Variants in ZFP82 observed in about 807,000 individuals in gnomAD.
ZFP82 encodes the protein zinc finger protein 82 homolog.
A neutral mutation model predicts 54.0 loss-of-function variants in ZFP82; 30 were observed. That is an observed-to-expected ratio of 0.56 (90% CI 0.42 to 0.75). The LOEUF (loss-of-function observed/expected upper bound fraction) is 0.75. Among genes scored for constraint, ZFP82 ranks in the 30% least tolerant of loss-of-function variants. The probability of loss-of-function intolerance (pLI) is 0.00; values close to 1 mark genes in which losing one functional copy is unlikely to be tolerated. For missense variants in ZFP82, 500 were observed against 636.8 expected (o/e 0.79, Z 2.31); for synonymous variants, 194 against 209.5 (o/e 0.93, Z 0.64).
intron 3 of ZFP82, among the ~76,000 whole-genome samples, chr19:36,407,372 G>A (rs1040159932): frequency 5.9e-5 from 9 of 152,070 alleles, no homozygotes; most frequent in Non-Finnish European, 4.4e-5. Flanking sequence ...CACCGCGCCC[G>A]GCCAGATTTT....
chr19:36,415,599 T>C (rs1600113149), intron 1 of ZFP82, among the ~76,000 whole-genome samples: 1 of 151,900 alleles, frequency 6.6e-6, no homozygotes, highest in South Asian at 2.1e-4. Context: ...ATTGGCCAGG[T>C]TGGTCTCAAA....
At position 36,388,897 on chromosome 19, in the gene ZFP82, T is replaced by C. The variant is rs977262566; in HGVS notation, c.*3844A>G. Among the ~76,000 whole-genome samples the C allele has an allele frequency of 1.3e-5, 2 of 152,234 alleles. No individual in the cohort carries two copies. The highest frequency in any genetic ancestry group is 1.3e-4 in the Admixed American group (2 of 15,278). On this transcript the variant is annotated 3_prime_UTR_variant, in exon 5 of 5. Coordinates refer to ENST00000392161, the MANE Select transcript of ZFP82 (RefSeq NM_133466.4). ...CAGAATGGTGAACAACACAAATACT[T>C]ATTTCTCAATCCAGATGTTCTAAAT...
intron 1 of ZFP82, among the ~76,000 whole-genome samples, chr19:36,412,100 G>GTA (rs2032592352): frequency 6.6e-6 from 1 of 151,908 alleles, no homozygotes; most frequent in South Asian, 2.1e-4. Flanking sequence ...GAGAGAGTGT[G>GTA]CGTGTGTATT....
intron 4 of ZFP82, among the ~76,000 whole-genome samples, chr19:36,399,900 A>G (rs908217421): frequency 6.6e-6 from 1 of 152,202 alleles, no homozygotes; most frequent in Non-Finnish European, 1.5e-5. Flanking sequence ...AATAAATAAA[A>G]CTGGAAATAA....
intron 2 of ZFP82, among the ~76,000 whole-genome samples, chr19:36,409,354 A>G (rs1336622835): frequency 1.3e-5 from 2 of 151,952 alleles, no homozygotes; most frequent in Admixed American, 6.6e-5. Context: ...TGGAGCCTCA[A>G]ACTCCTGGGC....
At chr19:36,396,976 C>T (rs2032305888) in intron 4 of ZFP82, among the ~76,000 whole-genome samples, 1 of 151,280 alleles carries the variant, frequency 6.6e-6, no homozygotes, top group Non-Finnish European at 1.5e-5. Context: ...CGTTAAAAGT[C>T]TCATTCAAAA....
In ZFP82 at chr19:36,391,390, C is replaced by T. The variant is rs1474307585; in HGVS notation, c.*1351G>A. The T allele has an allele frequency of 1.3e-5, 2 of 151,590 alleles. No homozygotes were observed. The highest frequency in any genetic ancestry group is 2.4e-5 in the African/African-American group (1 of 41,272). The allele number at this position is 151,590 out of a possible 1,614,324, so 9.4% of individuals were successfully genotyped here. Reference sequence around the variant, plus strand: ...AAAAAATTAATGGGGCTTCATAATACAGGTGACTTTTAATTTCCAAAGTTT... The same window carrying T: ...AAAAAATTAATGGGGCTTCATAATATAGGTGACTTTTAATTTCCAAAGTTT... On this transcript the variant is annotated 3_prime_UTR_variant, in exon 5 of 5. Transcript: ENST00000392161.
intron 1 of ZFP82, among the ~76,000 whole-genome samples, chr19:36,415,745 T>A (rs1184954934): frequency 6.6e-6 from 1 of 152,176 alleles, no homozygotes; most frequent in African/African-American, 2.4e-5. Context: ...GGAATATCTT[T>A]TAGTTGTTAA....
At position 36,393,859 on chromosome 19, in the gene ZFP82, G is replaced by A. The variant is rs1322998121; in HGVS notation, c.481C>T (p.Gln161Ter). 6.2e-7 allele frequency: 1 copy of A among 1,614,180 alleles called. No individual in the cohort carries two copies. The highest frequency in any genetic ancestry group is 1.3e-5 in the African/African-American group (1 of 75,052). Residue 161 changes from glutamine (Q) to a stop codon, truncating the protein, a stop_gained, in exon 5 of 5, where the codon CAG becomes TAG. Coordinates refer to ENST00000392161, the MANE Select transcript of ZFP82 (RefSeq NM_133466.4). LOFTEE classifies it high-confidence loss of function. ...GGTTTATCAACAAAATGAAGTCTCT[G>A]ATGTGGAGTAACAGATGTGCGTTTC... ...YQKRTSVTPH[Q>*]RLHFVDKPYE...
chr19:36,387,229 T>C (rs2032125446), downstream of ZFP82, among the ~76,000 whole-genome samples: 1 of 152,180 alleles, frequency 6.6e-6, no homozygotes, highest in Non-Finnish European at 1.5e-5. Flanking sequence ...AGTGTATGTA[T>C]TTTGCATGTG....
chr19:36,393,158 G>A lies in ZFP82; in HGVS notation c.1182C>T (p.Tyr394=), dbSNP rs113215509. ...HHRIHTGEKP[Y]ECKECWKAFS... is the part of the protein sequence containing the mutation. ...AGGCTTTCCAGCATTCCTTACATTC[G>A]TAAGGTTTTTCACCAGTATGAATTC... The change falls in exon 5 of 5, where the codon TAC becomes TAT. Residue 394 remains tyrosine (Y), a synonymous_variant. Coordinates refer to ENST00000392161, the MANE Select transcript of ZFP82 (RefSeq NM_133466.4). The A allele has an allele frequency of 1.1e-3, 1,837 of 1,613,274 alleles. 7 individuals are homozygous for A. The highest frequency in any genetic ancestry group is 1.4e-3 in the Non-Finnish European group (1,668 of 1,179,850).
chr19:36,402,468 CAAA>C (rs377338348), intron 4 of ZFP82, among the ~76,000 whole-genome samples: 13 of 57,444 alleles, frequency 2.3e-4, no homozygotes, highest in South Asian at 8.3e-4. Context: ...GACTCCATCT[CAAA>C]AAAAAAAAAA....
chr19:36,417,418 T>C (rs2032691629), intron 1 of ZFP82, among the ~76,000 whole-genome samples: 1 of 152,116 alleles, frequency 6.6e-6, no homozygotes, highest in Non-Finnish European at 1.5e-5. Context: ...GACAGGACAT[T>C]TATGGAGAAT....
rs58166953 is a variant in ZFP82 at position 36,411,864 on chromosome 19, CA to C, written c.-78-1998del. The stretch of plus-strand genomic sequence containing the variant: ...TGGGCAACAGAGCAAGACCCCGTCT[CA>C]AAAAAAAAAAAAAAAGAAAACAGAT... On this transcript the variant is annotated intron_variant, in intron 1 of 4. Coordinates refer to ENST00000392161, the MANE Select transcript of ZFP82 (RefSeq NM_133466.4). Among the ~76,000 whole-genome samples the C allele has an allele frequency of 2.5e-3, 303 of 119,250 alleles. 1 individual carries two copies. The highest frequency in any genetic ancestry group is 2.5e-3 in the Non-Finnish European group (145 of 58,610). The allele number at this position is 119,250 out of a possible 152,430, so 78.2% of individuals were successfully genotyped here. A position where few individuals can be genotyped will look rare whatever the true frequency, so the allele number is the denominator to read the frequency against.
At chr19:36,402,734 G>A (rs2032409433) in intron 4 of ZFP82, among the ~76,000 whole-genome samples, 1 of 151,994 alleles carries the variant, frequency 6.6e-6, no homozygotes, top group Non-Finnish European at 1.5e-5. Context: ...GGTGGCTCAC[G>A]CCTGTAATTC....
intron 4 of ZFP82, among the ~76,000 whole-genome samples, chr19:36,402,907 G>A (rs2032412921): frequency 6.6e-6 from 1 of 152,064 alleles, no homozygotes. Flanking sequence ...GGGAGGCTGA[G>A]GCGGGCAGAT....
At chr19:36,412,757 C>T (rs2032601919) in intron 1 of ZFP82, among the ~76,000 whole-genome samples, 1 of 152,178 alleles carries the variant, frequency 6.6e-6, no homozygotes, top group Non-Finnish European at 1.5e-5. Flanking sequence ...CATTACCCCA[C>T]AGGAACCCCA....
chr19:36,400,256 A>G (rs920241951), intron 4 of ZFP82, among the ~76,000 whole-genome samples: 19 of 152,208 alleles, frequency 1.2e-4, no homozygotes, highest in African/African-American at 2.4e-5. Flanking sequence ...AATTAAACAG[A>G]AAATGTCATA....
At chr19:36,417,072 CAAAAAAAAAAA>C (rs140495874) in intron 1 of ZFP82, among the ~76,000 whole-genome samples, 3 of 65,646 alleles carry the variant, frequency 4.6e-5, no homozygotes, top group East Asian at 5.7e-4. Flanking sequence ...GACCCTGTCT[CAAAAAAAAAAA>C]AAAAAAAAAA....
Sources: allele counts gnomAD v4.1 joint callset (sites outside exome capture counted in the v4.1 genomes callset), GRCh38; gene constraint gnomAD v4.1.1; transcripts MANE v1.5; gene names NCBI Gene and HGNC (gene_info 2026-07-23, HGNC 2026-07-21).